The following FBXL7 variants were observed in gnomAD, a reference collection of about 807,000 sequenced individuals.
The protein encoded by FBXL7 is F-box and leucine rich repeat protein 7.
In FBXL7, 12 loss-of-function variants were observed where a neutral mutation model predicts 38.3. The ratio of observed to expected loss-of-function variants is 0.31; its 90% CI spans 0.20 to 0.51. FBXL7 has a LOEUF of 0.51. Among genes scored for constraint, FBXL7 ranks in the 20% least tolerant of loss-of-function variants. FBXL7 has a pLI of 0.98. For synonymous variants in FBXL7, 297 were observed against 300.9 expected (o/e 0.99, Z 0.13); for missense variants, 567 against 676.4 (o/e 0.84, Z 1.79).
At chr5:15,551,076 A>G (rs1026510495) in intron 1 of FBXL7, among the ~76,000 whole-genome samples, 1 of 152,200 alleles carries the variant, frequency 6.6e-6, no homozygotes, top group Non-Finnish European at 1.5e-5. Flanking sequence ...AAAACCTCCT[A>G]TTAGGAAGAT....
intron 3 of FBXL7, among the ~76,000 whole-genome samples, chr5:15,930,020 C>T (rs1427119581): frequency 6.6e-6 from 1 of 152,164 alleles, no homozygotes; most frequent in Non-Finnish European, 1.5e-5. Flanking sequence ...CGAAAGCCGA[C>T]GTCTGAAAAT....
chr5:15,875,760 T>C (rs1740175404), intron 2 of FBXL7, among the ~76,000 whole-genome samples: 1 of 152,160 alleles, frequency 6.6e-6, no homozygotes, highest in Non-Finnish European at 1.5e-5. Context: ...CAACAGATCC[T>C]GGAGAGGATG....
intron 2 of FBXL7, among the ~76,000 whole-genome samples, chr5:15,665,736 C>G (rs952387069): frequency 6.6e-6 from 1 of 152,134 alleles, no homozygotes; most frequent in African/African-American, 2.4e-5. Context: ...TCAACTTTTA[C>G]TGGGTCTCAG....
intron 1 of FBXL7, among the ~76,000 whole-genome samples, chr5:15,552,920 A>G (rs973457055): frequency 1.3e-5 from 2 of 152,084 alleles, no homozygotes; most frequent in African/African-American, 4.8e-5. Flanking sequence ...TATCTCTACT[A>G]AAAATACAAA....
chr5:15,502,974 T>C (rs552773885), intron 1 of FBXL7, among the ~76,000 whole-genome samples: 1 of 152,308 alleles, frequency 6.6e-6, no homozygotes, highest in Non-Finnish European at 1.5e-5. Context: ...AAATTATCCA[T>C]GAGTGCATAA....
intron 2 of FBXL7, among the ~76,000 whole-genome samples, chr5:15,664,161 G>GGGTTTCTC (rs1742191469): frequency 2.0e-5 from 3 of 152,056 alleles, no homozygotes; most frequent in Non-Finnish European, 2.9e-5. Flanking sequence ...AAGATGTATA[G>GGGTTTCTC]TATACATAAT....
intron 2 of FBXL7, among the ~76,000 whole-genome samples, chr5:15,703,342 G>A (rs1579391517): frequency 6.6e-6 from 1 of 152,268 alleles, no homozygotes; most frequent in East Asian, 1.9e-4. Flanking sequence ...ACCTCCAACA[G>A]AATGAATTTC....
chr5:15,544,074 T>A (rs1737834369), intron 1 of FBXL7, among the ~76,000 whole-genome samples: 2 of 152,158 alleles, frequency 1.3e-5, no homozygotes, highest in African/African-American at 2.4e-5. Flanking sequence ...TAAAAGTGGG[T>A]ATAAATATGA....
At chr5:15,784,106 A>C (rs1438812134) in intron 2 of FBXL7, among the ~76,000 whole-genome samples, 1 of 152,164 alleles carries the variant, frequency 6.6e-6, no homozygotes, top group African/African-American at 2.4e-5. Flanking sequence ...TGTCTCTCAC[A>C]GTAGTTATTA....
chr5:15,772,262 T>G (rs1217062876), intron 2 of FBXL7, among the ~76,000 whole-genome samples: 1 of 152,150 alleles, frequency 6.6e-6, no homozygotes, highest in Non-Finnish European at 1.5e-5. Context: ...CTAAGGGAGA[T>G]GTCAGGCACA....
intron 2 of FBXL7, among the ~76,000 whole-genome samples, chr5:15,782,287 T>C (rs1023305335): frequency 6.6e-6 from 1 of 152,172 alleles, no homozygotes; most frequent in African/African-American, 2.4e-5. Context: ...GCAATAAACA[T>C]GTGTGTGCAT....
At chr5:15,675,213 G>A (rs1157456669) in intron 2 of FBXL7, among the ~76,000 whole-genome samples, 1 of 152,180 alleles carries the variant, frequency 6.6e-6, no homozygotes, top group Non-Finnish European at 1.5e-5. Flanking sequence ...TTAATTGAAA[G>A]TATTTTTGCT....
At chr5:15,722,162 G>A (rs1013039466) in intron 2 of FBXL7, among the ~76,000 whole-genome samples, 7 of 152,080 alleles carry the variant, frequency 4.6e-5, no homozygotes, top group Non-Finnish European at 8.8e-5. Context: ...ATTGCATTAT[G>A]TACTAATTTT....
chr5:15,744,159 C>T (rs1284199677), intron 2 of FBXL7, among the ~76,000 whole-genome samples: 1 of 152,242 alleles, frequency 6.6e-6, no homozygotes, highest in African/African-American at 2.4e-5. Context: ...ATGCAAATTT[C>T]TGAAGCCAGC....
intron 2 of FBXL7, among the ~76,000 whole-genome samples, chr5:15,711,396 A>G (rs1008335300): frequency 1.3e-5 from 2 of 152,206 alleles, no homozygotes; most frequent in Non-Finnish European, 1.5e-5. Flanking sequence ...ATGTCTTGTT[A>G]TATGGACATA....
intron 1 of FBXL7, among the ~76,000 whole-genome samples, chr5:15,552,717 C>T (rs974755842): frequency 3.9e-5 from 6 of 152,282 alleles, no homozygotes; most frequent in African/African-American, 9.6e-5. Flanking sequence ...TATTTTCAAA[C>T]GCAGATCTGA....
At chr5:15,676,205 T>C (rs1338580485) in intron 2 of FBXL7, among the ~76,000 whole-genome samples, 1 of 152,200 alleles carries the variant, frequency 6.6e-6, no homozygotes, top group African/African-American at 2.4e-5. Context: ...CCTGTAATTA[T>C]CCGGGGGGCC....
chr5:15,553,716 C>T (rs1013132767), intron 1 of FBXL7, among the ~76,000 whole-genome samples: 2 of 151,024 alleles, frequency 1.3e-5, no homozygotes, highest in African/African-American at 4.9e-5. Flanking sequence ...AAATCCAAAG[C>T]AAAGGAAAAA....
intron 2 of FBXL7, among the ~76,000 whole-genome samples, chr5:15,655,052 T>G (rs1466321788): frequency 6.6e-6 from 1 of 152,152 alleles, no homozygotes; most frequent in African/African-American, 2.4e-5. Context: ...TCAGAAACAC[T>G]TGTCTTTCTG....
Sources: allele counts gnomAD v4.1 joint callset (sites outside exome capture counted in the v4.1 genomes callset), GRCh38; gene constraint gnomAD v4.1.1; transcripts MANE v1.5; gene names NCBI Gene and HGNC (gene_info 2026-07-23, HGNC 2026-07-21).